KCNK4: variants seen among roughly 807,000 people sequenced by gnomAD.
KCNK4 encodes the protein potassium two pore domain channel subfamily K member 4, also known as potassium channel subfamily K member 4.
A neutral mutation model predicts 28.8 loss-of-function variants in KCNK4; 22 were observed. That is an observed-to-expected ratio of 0.76 (90% CI 0.55 to 1.09). The LOEUF is 1.09. Among genes scored for constraint, KCNK4 ranks in the 50% least tolerant of loss-of-function variants. The pLI is 0.00. For missense variants in KCNK4, 483 were observed against 546.3 expected, an observed-to-expected ratio of 0.88 and a Z score of 1.15; for synonymous variants, 263 against 252.9, an observed-to-expected ratio of 1.04 and a Z score of -0.38.
intron 2 of KCNK4, 32 bp from the exon 3 acceptor site, chr11:64,296,846 T>C (rs2034776416): frequency 2.7e-6 from 4 of 1,498,506 alleles, no homozygotes; most frequent in Non-Finnish European, 3.6e-6. Context: ...AGGGAAGAAC[T>C]GAAGCTCCTC....
rs756530570 is a variant in KCNK4, at chr11:64,297,252, C to T, written c.447C>T (p.Gly149=). ...GDRLGSSLRH[G]IGHIEAIFLK... The stretch of plus-strand genomic sequence containing the variant: ...GGCTGGGCTCCTCCCTGCGCCATGG[C>T]ATCGGTCACATTGAAGCCATCTTCT... Residue 149 remains glycine, a synonymous_variant, in exon 4 of 7, where the codon GGC becomes GGT. Coordinates refer to ENST00000422670, the MANE Select transcript of KCNK4 (RefSeq NM_033310.3). 6.2e-7 allele frequency: 1 copy of T among 1,613,434 alleles called. No homozygotes were observed. The highest frequency in any genetic ancestry group is 1.1e-5 in the South Asian group (1 of 91,024).
chr11:64,293,919 A>C (rs1242687825), intron 2 of KCNK4, among the ~76,000 whole-genome samples: 1 of 152,130 alleles, frequency 6.6e-6, no homozygotes, highest in African/African-American at 2.4e-5. Context: ...CCTTTTTAAT[A>C]CAAGTCCATC....
At chr11:64,293,792 G>T (rs544980529) in intron 2 of KCNK4, among the ~76,000 whole-genome samples, 1 of 152,078 alleles carries the variant, frequency 6.6e-6, no homozygotes, top group East Asian at 1.9e-4. Context: ...GTAGAGATGG[G>T]GTTTCACCAT....
Position 64,293,506 on chromosome 11 carries a change from A to G in KCNK4, c.189+299A>G, listed in dbSNP as rs149419333. ...ATGAATGAATGAATGGCCATAGCGC[A>G]TGGGCTATGTTACATTTGCACAGGT... On this transcript the variant is annotated intron_variant, in intron 2 of 6. Coordinates refer to ENST00000422670, the MANE Select transcript of KCNK4 (RefSeq NM_033310.3). Among the ~76,000 whole-genome samples the G allele has an allele frequency of 2.1e-3, 311 of 151,664 alleles. 4 individuals carry two copies. The Middle Eastern group carries it at 0.037, about 18-fold the overall frequency.
At chr11:64,292,813 A>G (rs2034669923) in intron 1 of KCNK4, 129 bp from the exon 2 acceptor site, 1 of 1,043,676 alleles carries the variant, frequency 9.6e-7, no homozygotes, top group Admixed American at 4.1e-5. Flanking sequence ...GGGTGTGTCC[A>G]GCCAGAGGGA....
At chr11:64,294,741 C>T (rs1211351525) in intron 2 of KCNK4, among the ~76,000 whole-genome samples, 1 of 151,984 alleles carries the variant, frequency 6.6e-6, no homozygotes, top group Non-Finnish European at 1.5e-5. Context: ...CTCAGTGTTC[C>T]AGCAGATTCT....
intron 6 of KCNK4, 81 bp from the exon 7 acceptor site, chr11:64,299,265 G>C: frequency 1.5e-6 from 2 of 1,291,784 alleles, no homozygotes; most frequent in Non-Finnish European, 2.1e-6. Flanking sequence ...TTTGATCCCT[G>C]CTGGTGAAGG....
In KCNK4 at chr11:64,297,547, C is replaced by T. The variant is rs1337518791; in HGVS notation, c.555C>T (p.Leu185=). The T allele has an allele frequency of 6.2e-7, 1 of 1,614,190 alleles. No homozygotes were observed. The highest frequency in any genetic ancestry group is 1.7e-5 in the Admixed American group (1 of 60,022). The change falls in exon 5 of 7, where the codon CTC becomes CTT. Residue 185 remains leucine, a synonymous_variant. Coordinates refer to ENST00000422670, the MANE Select transcript of KCNK4 (RefSeq NM_033310.3). ...TGATCGGCTGCCTGCTCTTTGTCCT[C>T]ACGCCCACGTTCGTGTTCTGCTATA... The part of the protein sequence containing the change: ...FLLIGCLLFV[L]TPTFVFCYME...
At chr11:64,292,572 G>A (rs1336039299) in intron 1 of KCNK4, 2 of 154,634 alleles carry the variant, frequency 1.3e-5, no homozygotes, top group East Asian at 1.9e-4. Flanking sequence ...ACGCCTCCGA[G>A]CCCCCTCAGC....
At chr11:64,298,349 G>A in intron 6 of KCNK4, 100 bp downstream of exon 6, 1 of 1,455,408 alleles carries the variant, frequency 6.9e-7, no homozygotes, top group Admixed American at 1.9e-5. Flanking sequence ...CAGGGCGTGG[G>A]CTCCTGAGGC....
Position 64,292,948 on chromosome 11 carries a change from C to T in KCNK4, c.-71C>T. 6.8e-7 allele frequency: 1 copy of T among 1,472,736 alleles called. No homozygotes were observed. Among genetic ancestry groups the T allele is most frequent in the Non-Finnish European group, 9.0e-7 (1 of 1,117,038 alleles). The allele number at this position is 1,472,736 out of a possible 1,614,324, so 91.2% of individuals were successfully genotyped here. A position where few individuals can be genotyped will look rare whatever the true frequency, so the allele number is the denominator to read the frequency against. On this transcript the variant is annotated 5_prime_UTR_variant, in exon 2 of 7. Coordinates refer to ENST00000422670, the MANE Select transcript of KCNK4 (RefSeq NM_033310.3). ...TCCCTGGTTTTGCCCGCAGTGACGA[C>T]AGCTCCCCAGGAGCCCCCCGCCCGG...
intron 2 of KCNK4, 103 bp from the exon 3 acceptor site, chr11:64,296,775 G>A: frequency 8.0e-7 from 1 of 1,249,346 alleles, no homozygotes; most frequent in Admixed American, 2.9e-5. Context: ...GGGGAGAACA[G>A]GGAGGAGCAG....
chr11:64,298,082 C>A, intron 5 of KCNK4, 28 bp from the exon 6 acceptor site: 1 of 1,609,474 alleles, frequency 6.2e-7, no homozygotes, highest in East Asian at 2.2e-5. Flanking sequence ...CAATCCAATT[C>A]TTTCTACCTT....
Position 64,299,654 on chromosome 11 carries a change from C to T in KCNK4, c.1110C>T (p.Arg370=), listed in dbSNP as rs1394052102. Residue 370 remains arginine, a synonymous_variant, in exon 7 of 7, where the codon CGC becomes CGT. Coordinates refer to ENST00000422670, the MANE Select transcript of KCNK4 (RefSeq NM_033310.3). ...CCCGCGCGCCGAGAGGTCGCCGCCG[C>T]CCAAATCCCCCCAGGAAGCCCGTGC... The part of the protein sequence containing the change: ...PLPRAPRGRR[R]PNPPRKPVRP... 8.1e-6 allele frequency: 13 copies of T among 1,607,224 alleles called. No individual in the cohort carries two copies. The highest frequency in any genetic ancestry group is 1.6e-4 in the Middle Eastern group (1 of 6,066).
chr11:64,298,256 G>C lies in KCNK4; in HGVS notation c.801+7G>C, dbSNP rs573858958. 1.2e-6 allele frequency: 2 copies of C among 1,608,044 alleles called. No homozygotes were observed. The highest frequency in any genetic ancestry group is 1.7e-6 in the Non-Finnish European group (2 of 1,178,320). ...CCGCCGCACTCGGGCAGAGGTAGGC[G>C]CCCCAGGGTTGGCACTGTGCCTGCG... On this transcript the variant is annotated splice_region_variant and intron_variant, in intron 6 of 6. Transcript: ENST00000422670.
chr11:64,293,369 T>G (rs1036753806), intron 2 of KCNK4, among the ~76,000 whole-genome samples, 162 bp downstream of exon 2: 11 of 152,238 alleles, frequency 7.2e-5, no homozygotes, highest in Admixed American at 3.3e-4. Flanking sequence ...GTCTCTGTGT[T>G]TTCAATAGGG....
rs759401830 is a variant in KCNK4, at chr11:64,299,602, C to G, written c.1058C>G (p.Thr353Arg). The G allele has an allele frequency of 3.1e-6, 5 of 1,609,780 alleles. No individual in the cohort carries two copies. The African/African-American group carries it at 6.7e-5, about 22-fold the overall frequency. ...GCCTTCATCGACGAGTCCTCGGATACGCAGAGCGAGCGCGGCTGCCCGCTG... is the reference window on the plus strand; with the variant it reads ...GCCTTCATCGACGAGTCCTCGGATAGGCAGAGCGAGCGCGGCTGCCCGCTG... ...NLAFIDESSD[T>R]QSERGCPLPR... The change falls in exon 7 of 7, where the codon ACG becomes AGG. Residue 353 changes from threonine (T) to arginine (R), a missense_variant. By Grantham distance (71) the Thr-to-Arg change is moderately conservative. Coordinates refer to ENST00000422670, the MANE Select transcript of KCNK4 (RefSeq NM_033310.3).
Position 64,299,414 on chromosome 11 carries a change from C to T in KCNK4, c.870C>T (p.Ala290=), listed in dbSNP as rs1285949177. 8.9e-6 allele frequency: 14 copies of T among 1,574,896 alleles called. No individual in the cohort carries two copies. The highest frequency in any genetic ancestry group is 2.4e-5 in the East Asian group (1 of 42,434). The change falls in exon 7 of 7, where the codon GCC becomes GCT. Residue 290 remains alanine, a synonymous_variant. Coordinates refer to ENST00000422670, the MANE Select transcript of KCNK4 (RefSeq NM_033310.3). ...GTVTARVTQR[A]GPAAPPPEKE... ...TGACAGCGCGCGTGACCCAGCGAGC[C>T]GGGCCCGCCGCCCCGCCGCCGGAGA...
chr11:64,295,863 G>A (rs1021524429), intron 2 of KCNK4, among the ~76,000 whole-genome samples: 4 of 151,934 alleles, frequency 2.6e-5, no homozygotes, highest in African/African-American at 4.8e-5. Flanking sequence ...TTTATGATAC[G>A]CCCCACAGAC....
Sources: gnomAD v4.1 joint callset for allele counts (sites outside exome capture counted in the v4.1 genomes callset) on GRCh38, gnomAD v4.1.1 for gene constraint, MANE v1.5 for transcripts, NCBI Gene and HGNC (gene_info 2026-07-23, HGNC 2026-07-21) for gene names.